DENND4A: variants seen among roughly 807,000 people sequenced by gnomAD.
DENND4A encodes DENN domain containing 4A.
A neutral mutation model predicts 199.3 loss-of-function variants in DENND4A; 70 were observed. The ratio of observed to expected loss-of-function variants is 0.35; its 90% CI spans 0.29 to 0.43. The LOEUF is 0.43. Ranked by LOEUF, DENND4A falls within the 20% of genes least tolerant of loss-of-function variation. The pLI is 1.00. For synonymous variants in DENND4A, 686 were observed against 766.9 expected (o/e 0.89, Z 1.74); for missense variants, 1,723 against 2,255.8 (o/e 0.76, Z 4.78).
chr15:65,701,743 A>AT lies in DENND4A; in HGVS notation c.2559+18dup. ...ATGACAAAAGTAATACTCTTTATCC[A>AT]TTAAACCAAGGTATTTACCTTATTA... is the stretch of plus-strand genomic sequence containing the variant. On this transcript the variant is annotated intron_variant, in intron 18 of 32. Coordinates refer to ENST00000443035, the MANE Select transcript of DENND4A (RefSeq NM_001320835.1). The AT allele has an allele frequency of 1.2e-6, 2 of 1,611,128 alleles. No homozygotes were observed. The highest frequency in any genetic ancestry group is 1.7e-6 in the Non-Finnish European group (2 of 1,177,624).
At chr15:65,676,137 G>GAAAA (rs929892402) in intron 24 of DENND4A, among the ~76,000 whole-genome samples, 31 of 96,840 alleles carry the variant, frequency 3.2e-4, no homozygotes, top group African/African-American at 1.0e-3. Context: ...AAGTAATAAG[G>GAAAA]AAAAATATAT....
intron 3 of DENND4A, among the ~76,000 whole-genome samples, chr15:65,753,572 T>C (rs2076621181): frequency 6.6e-6 from 1 of 152,176 alleles, no homozygotes; most frequent in East Asian, 1.9e-4. Context: ...TTGGCCAGGC[T>C]GATCTCGAAC....
At chr15:65,748,754 C>A (rs1245964818) in intron 4 of DENND4A, among the ~76,000 whole-genome samples, 3 of 151,620 alleles carry the variant, frequency 2.0e-5, no homozygotes, top group African/African-American at 4.8e-5. Context: ...CTTTGGGGGA[C>A]TGAAGAGGAA....
At chr15:65,739,650 G>A (rs992237986) in intron 5 of DENND4A, among the ~76,000 whole-genome samples, 1 of 152,174 alleles carries the variant, frequency 6.6e-6, no homozygotes, top group South Asian at 2.1e-4. Flanking sequence ...AATATAAGTG[G>A]TTGTTGGTTC....
intron 1 of DENND4A, among the ~76,000 whole-genome samples, chr15:65,769,837 C>G (rs2077084899): frequency 6.6e-6 from 1 of 152,084 alleles, no homozygotes; most frequent in South Asian, 2.1e-4. Context: ...GTTCCATTAA[C>G]CGAGTATGCA....
In DENND4A at chr15:65,690,399, T is replaced by C. The variant is rs774063961; in HGVS notation, c.4179+16A>G. 5 of 1,541,538 alleles carry C rather than the reference T, an allele frequency of 3.2e-6. No homozygotes were observed. The Admixed American group carries it at 8.0e-5, about 25-fold the overall frequency. ...TGTGTGTGACAGTAAAAGTAGCAAA[T>C]ACTAACCAAACTTACCTTAGATGAT... On this transcript the variant is annotated intron_variant, in intron 23 of 32. Coordinates refer to ENST00000443035, the MANE Select transcript of DENND4A (RefSeq NM_001320835.1).
chr15:65,765,624 G>C (rs943049061), intron 1 of DENND4A, among the ~76,000 whole-genome samples: 6 of 152,092 alleles, frequency 3.9e-5, no homozygotes, highest in African/African-American at 1.4e-4. Context: ...TGTGTGTTTA[G>C]TTCTATGCAG....
At chr15:65,777,196 C>A (rs564880016) in intron 1 of DENND4A, among the ~76,000 whole-genome samples, 1 of 152,098 alleles carries the variant, frequency 6.6e-6, no homozygotes, top group East Asian at 1.9e-4. Flanking sequence ...AAGAAAATAG[C>A]TGCCTGGGTT....
Position 65,696,366 on chromosome 15 carries a change from C to A in DENND4A, c.3082G>T (p.Glu1028Ter). The A allele has an allele frequency of 6.2e-7, 1 of 1,611,004 alleles. No homozygotes were observed. The highest frequency in any genetic ancestry group is 8.5e-7 in the Non-Finnish European group (1 of 1,178,044). Residue 1028 changes from glutamate (E) to a stop codon, truncating the protein, a stop_gained and splice_region_variant, in exon 22 of 33, where the codon GAA becomes TAA. Coordinates refer to ENST00000443035, the MANE Select transcript of DENND4A (RefSeq NM_001320835.1). LOFTEE classifies it high-confidence loss of function. Reference sequence around the variant, plus strand: ...AACACAAGCGTACTATTCAACTTACCCATGCTTTCTCCTGATATTTTACCA... The same window carrying A: ...AACACAAGCGTACTATTCAACTTACACATGCTTTCTCCTGATATTTTACCA... Reference protein sequence around the residue: ...SAGKISGESMESTPELLLISS... With the variant: ...SAGKISGESM
chr15:65,672,452 T>C (rs539612227), intron 24 of DENND4A, among the ~76,000 whole-genome samples: 389 of 152,082 alleles, frequency 2.6e-3, no homozygotes, highest in Non-Finnish European at 4.4e-3. Context: ...TAGTGAGACC[T>C]TGTCTCTACA....
chr15:65,663,658 C>CT (rs979033281), intron 32 of DENND4A, among the ~76,000 whole-genome samples: 8 of 152,030 alleles, frequency 5.3e-5, no homozygotes, highest in East Asian at 1.9e-4. Flanking sequence ...TCTGTTGATT[C>CT]TTTTTTTATC....
chr15:65,772,982 CA>C (rs1368130698), intron 1 of DENND4A, among the ~76,000 whole-genome samples: 1 of 97,522 alleles, frequency 1.0e-5, no homozygotes, highest in African/African-American at 3.9e-5. Context: ...CATGGGAAAT[CA>C]ATTTCTATTG....
At chr15:65,775,637 CAAAAAAA>C (rs59714693) in intron 1 of DENND4A, among the ~76,000 whole-genome samples, 4 of 27,680 alleles carry the variant, frequency 1.4e-4, no homozygotes, top group Non-Finnish European at 2.1e-4. Context: ...CAAGACTCCT[CAAAAAAA>C]AAAAAAAAAA....
rs747742878 is a variant in DENND4A, at chr15:65,741,728, T to C, written c.618A>G (p.Val206=). Residue 206 remains valine (V), a synonymous_variant, in exon 5 of 33, where the codon GTA becomes GTG. Coordinates refer to ENST00000443035, the MANE Select transcript of DENND4A (RefSeq NM_001320835.1). ...AATTACACTTACCAGCTTTGTAAGA[T>C]ACAGTGTTCGTCTTTGCCACCGATT... ...YKKSVAKTNT[V]SYKAGLICRY... 5.0e-6 allele frequency: 8 copies of C among 1,612,758 alleles called. No individual in the cohort carries two copies. In the South Asian group the frequency reaches 7.7e-5, roughly 15 times the overall value.
At chr15:65,693,356 C>A (rs891933086) in intron 22 of DENND4A, among the ~76,000 whole-genome samples, 1 of 152,126 alleles carries the variant, frequency 6.6e-6, no homozygotes, top group Non-Finnish European at 1.5e-5. Context: ...ATACTGTAAT[C>A]ATGGTTAGGT....
intron 1 of DENND4A, chr15:65,771,565 C>G: frequency 1.2e-6 from 2 of 1,612,564 alleles, no homozygotes; most frequent in Non-Finnish European, 1.7e-6. Context: ...GCTGGATAAA[C>G]ACAGAAAAAC....
intron 23 of DENND4A, among the ~76,000 whole-genome samples, chr15:65,687,455 C>T (rs1018571048): frequency 6.6e-6 from 1 of 151,702 alleles, no homozygotes; most frequent in Middle Eastern, 3.2e-3. Context: ...CAGCTATTTA[C>T]CATTTATTTT....
intron 27 of DENND4A, among the ~76,000 whole-genome samples, chr15:65,669,209 T>G (rs2076142237): frequency 6.6e-6 from 1 of 152,238 alleles, no homozygotes; most frequent in East Asian, 1.9e-4. Flanking sequence ...AGGCATTTTT[T>G]GGCACATGCA....
chr15:65,701,732 A>G, intron 18 of DENND4A, 30 bp downstream of exon 18: 1 of 1,599,668 alleles, frequency 6.3e-7, no homozygotes, highest in Non-Finnish European at 8.6e-7. Flanking sequence ...CAAAAGTAAT[A>G]CTCTTTATCC....
Sources: gnomAD v4.1 joint callset for allele counts (sites outside exome capture counted in the v4.1 genomes callset) on GRCh38, gnomAD v4.1.1 for gene constraint, MANE v1.5 for transcripts, NCBI Gene and HGNC (gene_info 2026-07-23, HGNC 2026-07-21) for gene names.